FANCA: variants seen among roughly 807,000 people sequenced by gnomAD.
The protein encoded by FANCA is Fanconi anemia group A protein.
In FANCA, 236 loss-of-function variants were observed where a neutral mutation model predicts 194.3. The observed-to-expected ratio is 1.21, with a 90% confidence interval of 1.09 to 1.35. FANCA has a LOEUF of 1.35. FANCA is among the 40% of genes most tolerant of loss of function. The probability of loss-of-function intolerance (pLI) is 0.00; values close to 1 mark genes in which losing one functional copy is unlikely to be tolerated. For synonymous variants in FANCA, 1,014 were observed against 715.8 expected, an observed-to-expected ratio of 1.42 and a Z score of -6.65; for missense variants, 2,628 against 1,813.9, an observed-to-expected ratio of 1.45 and a Z score of -8.15.
At chr16:89,759,900 C>A (rs2038892531) in intron 29 of FANCA, among the ~76,000 whole-genome samples, 1 of 152,138 alleles carries the variant, frequency 6.6e-6, no homozygotes, top group African/African-American at 2.4e-5. Context: ...TCACACTGTC[C>A]GGGACTGGGG....
Position 89,762,002 on chromosome 16 carries a change from T to C in FANCA, c.2799A>G (p.Leu933=), listed in dbSNP as rs148250597. 819 of 1,613,940 alleles carry C rather than the reference T, an allele frequency of 5.1e-4. 2 individuals are homozygous for C. Among genetic ancestry groups the C allele is most frequent in the Non-Finnish European group, 6.7e-4 (789 of 1,179,816 alleles). Reference sequence around the variant, plus strand: ...CAGGTTGAATTTCCAGCTCCAGGTGTAACCAGTCTTGGTAAGTTAACTGAG... The same window carrying C: ...CAGGTTGAATTTCCAGCTCCAGGTGCAACCAGTCTTGGTAAGTTAACTGAG... ...EDVHLTYQDW[L]HLELEIQPEA... Residue 933 remains leucine, a synonymous_variant, in exon 29 of 43, where the codon TTA becomes TTG. Coordinates refer to ENST00000389301, the MANE Select transcript of FANCA (RefSeq NM_000135.4).
At chr16:89,782,760 T>C (rs2039763787) in intron 17 of FANCA, 99 bp downstream of exon 17, 6 of 1,090,478 alleles carry the variant, frequency 5.5e-6, no homozygotes, top group Middle Eastern at 2.2e-4. Context: ...GACATGAGAC[T>C]GGGAAGGCTG....
At chr16:89,800,722 C>T (rs996274452) in intron 8 of FANCA, among the ~76,000 whole-genome samples, 10 of 152,062 alleles carry the variant, frequency 6.6e-5, no homozygotes, top group Non-Finnish European at 8.8e-5. Context: ...CACAGACCAA[C>T]GGAACAGGAT....
intron 10 of FANCA, among the ~76,000 whole-genome samples, chr16:89,796,403 C>A (rs1277694531): frequency 1.3e-5 from 2 of 152,142 alleles, no homozygotes; most frequent in Non-Finnish European, 2.9e-5. Context: ...ACACGGAACT[C>A]CCCCAGAGGG....
At chr16:89,765,988 A>T (rs1482465456) in intron 27 of FANCA, among the ~76,000 whole-genome samples, 1 of 149,306 alleles carries the variant, frequency 6.7e-6, no homozygotes, top group Non-Finnish European at 1.5e-5. Context: ...GTTGAAAACC[A>T]TTATTTATTT....
In FANCA at chr16:89,762,033, G is replaced by T; in HGVS notation, c.2779-11C>A. On this transcript the variant is annotated splice_polypyrimidine_tract_variant and intron_variant, in intron 28 of 42. Coordinates refer to ENST00000389301, the MANE Select transcript of FANCA (RefSeq NM_000135.4). ...GTCTTGGTAAGTTAACTGAGAAAGA[G>T]AGCAAGCAATTCAATACAATGAGGA... 1 of 1,608,680 alleles carries T rather than the reference G, an allele frequency of 6.2e-7. No individual in the cohort carries two copies. Among genetic ancestry groups the T allele is most frequent in the South Asian group, 1.1e-5 (1 of 90,986 alleles).
At chr16:89,810,500 G>C in intron 5 of FANCA, 2 of 577,748 alleles carry the variant, frequency 3.5e-6, no homozygotes, top group South Asian at 2.0e-5. Context: ...TATTACTAAT[G>C]ATAGGTGAAT....
At chr16:89,748,633 C>T (rs942983246) in intron 33 of FANCA, 26 bp downstream of exon 33, 16 of 1,566,260 alleles carry the variant, frequency 1.0e-5, no homozygotes, top group African/African-American at 2.7e-5. Flanking sequence ...ACAGATCGGA[C>T]GGACACGTGC....
intron 1 of FANCA, 72 bp downstream of exon 1, chr16:89,816,465 G>C (rs1364390896): frequency 7.5e-7 from 1 of 1,332,302 alleles, no homozygotes; most frequent in East Asian, 3.1e-5. Context: ...CTGGCGGGAA[G>C]GGATCGGGGA....
rs747684200 is a variant in FANCA, at chr16:89,737,972, C to G, written c.*629G>C. The G allele has an allele frequency of 1.2e-6, 2 of 1,614,136 alleles. No individual in the cohort carries two copies. The highest frequency in any genetic ancestry group is 1.7e-6 in the Non-Finnish European group (2 of 1,180,004). On this transcript the variant is annotated 3_prime_UTR_variant, in exon 43 of 43. Coordinates refer to ENST00000389301, the MANE Select transcript of FANCA (RefSeq NM_000135.4). ...GCACCTTCTTATCTGCCTCTGTCCC[C>G]CAGGTGTGAGGTCTGTGGGTTCCAG...
rs542060496 is a variant in FANCA, at chr16:89,752,976, G to A, written c.2982-754C>T. ...CAGTCAGACTCGCCCGCAGTTATCC[G>A]GAGGCCTCACCGTCTCCCTGTGATG... On this transcript the variant is annotated intron_variant, in intron 30 of 42. Transcript: ENST00000389301. Among the ~76,000 whole-genome samples, 26 of 152,268 alleles carry A rather than the reference G, an allele frequency of 1.7e-4. 1 individual carries two copies. The South Asian group carries it at 4.1e-3, about 24-fold the overall frequency.
chr16:89,813,653 C>T (rs1003651229), intron 3 of FANCA, among the ~76,000 whole-genome samples: 1 of 152,090 alleles, frequency 6.6e-6, no homozygotes, highest in Non-Finnish European at 1.5e-5. Context: ...AGGCTCGTCT[C>T]GAATCCTGAC....
At chr16:89,768,673 C>A (rs748890881) in intron 26 of FANCA, among the ~76,000 whole-genome samples, 13 of 150,982 alleles carry the variant, frequency 8.6e-5, no homozygotes, top group Non-Finnish European at 8.8e-5. Context: ...AAACCAAAAA[C>A]CAAAAAACAA....
rs373954227 is a variant in FANCA, at chr16:89,771,818, C to T, written c.2015-4G>A. On this transcript the variant is annotated splice_region_variant and splice_polypyrimidine_tract_variant and intron_variant, in intron 22 of 42. Transcript: ENST00000389301. ...ACTGCCACCTGTGCCGATATAACTG[C>T]GAAGGAAGAAACTAGTTAGGGATGA... 5.6e-6 allele frequency: 9 copies of T among 1,613,498 alleles called. No individual in the cohort carries two copies. The highest frequency in any genetic ancestry group is 2.2e-5 in the East Asian group (1 of 44,896).
At chr16:89,813,506 C>T (rs1412126484) in intron 3 of FANCA, among the ~76,000 whole-genome samples, 1 of 151,988 alleles carries the variant, frequency 6.6e-6, no homozygotes, top group East Asian at 1.9e-4. Flanking sequence ...GGTCTCGGCT[C>T]AATGCAACCT....
intron 22 of FANCA, among the ~76,000 whole-genome samples, chr16:89,772,898 A>G (rs12599180): frequency 0.51 from 78,034 of 151,786 alleles, 21,919 homozygotes; most frequent in East Asian, 0.98. Flanking sequence ...ACAGAAAACC[A>G]TCACATGGAA....
chr16:89,791,803 T>C, intron 13 of FANCA, 124 bp downstream of exon 13: 14 of 1,271,196 alleles, frequency 1.1e-5, no homozygotes, highest in Non-Finnish European at 1.6e-5. Context: ...CAGGAGGCAC[T>C]GCAGGTTCCG....
At chr16:89,771,647 C>G (rs1231838850) in intron 23 of FANCA, 31 bp downstream of exon 23, 1 of 1,613,192 alleles carries the variant, frequency 6.2e-7, no homozygotes, top group South Asian at 1.1e-5. Flanking sequence ...TGGTGAAGAC[C>G]CCCTGCTTTG....
chr16:89,754,853 G>C (rs12923129), intron 30 of FANCA, among the ~76,000 whole-genome samples: 1,940 of 152,270 alleles, frequency 0.013, 32 homozygotes, highest in South Asian at 0.091. Flanking sequence ...CATGCAGTCC[G>C]TATCAGGGTC....
Sources: allele counts gnomAD v4.1 joint callset (sites outside exome capture counted in the v4.1 genomes callset), GRCh38; gene constraint gnomAD v4.1.1; transcripts MANE v1.5; gene names NCBI Gene and HGNC (gene_info 2026-07-23, HGNC 2026-07-21).